The following C16orf46 variants were observed in gnomAD, a reference collection of about 807,000 sequenced individuals.
C16orf46 encodes chromosome 16 open reading frame 46, also known as uncharacterized protein C16orf46.
A neutral mutation model predicts 5.5 loss-of-function variants in C16orf46; 7 were observed. The ratio of observed to expected loss-of-function variants is 1.28; its 90% confidence interval spans 0.73 to 2.40. The LOEUF (loss-of-function observed/expected upper bound fraction) is 2.40. Ranked by LOEUF, C16orf46 falls within the 30% of genes most tolerant of loss-of-function variation. C16orf46 has a pLI of 0.00. For synonymous variants in C16orf46, 200 were observed against 184.1 expected, an observed-to-expected ratio of 1.09 and a Z score of -0.70; for missense variants, 614 against 476.0, an observed-to-expected ratio of 1.29 and a Z score of -2.70.
intron 1 of C16orf46, chr16:81,069,871 T>G (rs1971784840): frequency 6.6e-6 from 1 of 152,290 alleles, no homozygotes; most frequent in African/African-American, 2.4e-5. Context: ...ACGCCTGTAA[T>G]CCCAGCACTT....
intron 1 of C16orf46, among the ~76,000 whole-genome samples, chr16:81,069,211 T>C (rs537351081): frequency 6.6e-6 from 1 of 152,292 alleles, no homozygotes; most frequent in Non-Finnish European, 1.5e-5. Flanking sequence ...GGAGGAGTAC[T>C]GTCCGTCAGT....
At chr16:81,066,738 C>T (rs1971666706) in intron 1 of C16orf46, among the ~76,000 whole-genome samples, 2 of 152,204 alleles carry the variant, frequency 1.3e-5, no homozygotes, top group Non-Finnish European at 2.9e-5. Context: ...AAACCAAGAG[C>T]TCATGCCATC....
intron 1 of C16orf46, among the ~76,000 whole-genome samples, chr16:81,073,327 A>C (rs1202375054): frequency 2.0e-5 from 3 of 152,204 alleles, no homozygotes; most frequent in Non-Finnish European, 4.4e-5. Flanking sequence ...TAATTCTAAG[A>C]TACAACTCTG....
At position 81,062,094 on chromosome 16, in the gene C16orf46, C is replaced by A. The variant is rs149945062; in HGVS notation, c.255G>T (p.Pro85=). 6.2e-7 allele frequency: 1 copy of A among 1,605,636 alleles called. No individual in the cohort carries two copies. Among genetic ancestry groups the A allele is most frequent in the Admixed American group, 1.7e-5 (1 of 59,764 alleles). Residue 85 remains proline, a synonymous_variant, in exon 4 of 4, where the codon CCG becomes CCT. Coordinates refer to ENST00000299578, the MANE Select transcript of C16orf46 (RefSeq NM_152337.3). ...CCCTCGCCTTTTTTGGTATCTTCCT[C>A]GGCCAGATGCAGGCAGCTGGAGAAG... is the stretch of plus-strand genomic sequence containing the variant. ...GRTSPAACIW[P]RKIPKKARVG... is the part of the protein sequence containing the mutation.
intron 1 of C16orf46, among the ~76,000 whole-genome samples, chr16:81,075,543 T>A (rs547459101): frequency 6.6e-6 from 1 of 152,078 alleles, no homozygotes; most frequent in Non-Finnish European, 1.5e-5. Flanking sequence ...TAAGCCGAGA[T>A]TGCACCACTA....
chr16:81,068,830 T>C (rs973610494), intron 1 of C16orf46, among the ~76,000 whole-genome samples: 1 of 152,108 alleles, frequency 6.6e-6, no homozygotes, highest in African/African-American at 2.4e-5. Context: ...GCCTCCCAAG[T>C]AGCTGGGATT....
At position 81,062,037 on chromosome 16, in the gene C16orf46, C is replaced by T; in HGVS notation, c.312G>A (p.Val104=). The change falls in exon 4 of 4, where the codon GTG becomes GTA. Residue 104 remains valine (V), a synonymous_variant. Coordinates refer to ENST00000299578, the MANE Select transcript of C16orf46 (RefSeq NM_152337.3). ...GGCTCCAGTGGGAGAGGTTAACACA[C>T]ACCAAGCAGTCGCTGCAGGCACCTT... The part of the protein sequence containing the change: ...VGEGACSDCL[V]CVNLSHWSLQ... 1.9e-6 allele frequency: 3 copies of T among 1,613,716 alleles called. No individual in the cohort carries two copies. The highest frequency in any genetic ancestry group is 2.2e-5 in the East Asian group (1 of 44,880).
intron 1 of C16orf46, chr16:81,076,844 C>G (rs7185983): frequency 1.3e-5 from 2 of 152,508 alleles, no homozygotes; most frequent in Admixed American, 6.6e-5. Context: ...GCCACAAAGA[C>G]GCCTGCCCTT....
Position 81,061,553 on chromosome 16 carries a change from CTCT to C in C16orf46, c.793_795del (p.Arg265del). ...ATAGGGTGTTTGGCCAGCTCACTGG[CTCT>C]TTTTTCACCTTTCCCATCTGCTGTT... On this transcript the variant is annotated inframe_deletion, in exon 4 of 4. Coordinates refer to ENST00000299578, the MANE Select transcript of C16orf46 (RefSeq NM_152337.3). 6.2e-7 allele frequency: 1 copy of C among 1,614,204 alleles called. No homozygotes were observed. The highest frequency in any genetic ancestry group is 8.5e-7 in the Non-Finnish European group (1 of 1,180,038).
At position 81,061,307 on chromosome 16, in the gene C16orf46, CAGG is replaced by C; in HGVS notation, c.1039_1041del (p.Pro347del). ...GGGAGAACATGCTTTCGGGTGATCA[CAGG>C]AGATCTTGGCTCCTTGGCTTTGAAT... On this transcript the variant is annotated inframe_deletion, in exon 4 of 4. Coordinates refer to ENST00000299578, the MANE Select transcript of C16orf46 (RefSeq NM_152337.3). 1 of 1,614,124 alleles carries C rather than the reference CAGG, an allele frequency of 6.2e-7. No homozygotes were observed. The highest frequency in any genetic ancestry group is 8.5e-7 in the Non-Finnish European group (1 of 1,180,028).
At chr16:81,069,467 G>A (rs376872045) in intron 1 of C16orf46, among the ~76,000 whole-genome samples, 185 of 152,330 alleles carry the variant, frequency 1.2e-3, no homozygotes, top group African/African-American at 4.2e-3. Flanking sequence ...ATGGCTCTTA[G>A]ATGGTTCTTT....
chr16:81,058,863 C>T (rs763351491), downstream of C16orf46, among the ~76,000 whole-genome samples: 1 of 152,184 alleles, frequency 6.6e-6, no homozygotes, highest in Non-Finnish European at 1.5e-5. Flanking sequence ...CCTAGTACTT[C>T]AAACGTCCCC....
chr16:81,067,432 T>C (rs555413942), intron 1 of C16orf46, among the ~76,000 whole-genome samples: 1 of 152,334 alleles, frequency 6.6e-6, no homozygotes, highest in South Asian at 2.1e-4. Flanking sequence ...AATAAAACTT[T>C]TAAAGCCATG....
At chr16:81,064,451 T>C (rs936658591) in intron 2 of C16orf46, among the ~76,000 whole-genome samples, 3 of 151,888 alleles carry the variant, frequency 2.0e-5, no homozygotes, top group Non-Finnish European at 4.4e-5. Flanking sequence ...CCACTGGCAC[T>C]ATGAAAGATA....
At chr16:81,056,698 A>AAAG (rs1971306905), downstream of C16orf46, among the ~76,000 whole-genome samples, 1 of 9,658 alleles carries the variant, frequency 1.0e-4, no homozygotes, top group African/African-American at 1.1e-4. Context: ...TCCGTCTCAA[A>AAAG]AAAAAAAAAA....
Position 81,063,867 on chromosome 16 carries a change from G to A in C16orf46, c.89C>T (p.Thr30Ile). The A allele has an allele frequency of 6.2e-7, 1 of 1,613,440 alleles. No individual in the cohort carries two copies. Among genetic ancestry groups the A allele is most frequent in the Non-Finnish European group, 8.5e-7 (1 of 1,179,578 alleles). Residue 30 changes from threonine (T) to isoleucine (I), a missense_variant, in exon 3 of 4, where the codon ACT becomes ATT. Coordinates refer to ENST00000299578, the MANE Select transcript of C16orf46 (RefSeq NM_152337.3). ...TTTTTCACTTTTTCCATCTGGACAA[G>A]TATAGGTTGGTTCTGTTTCTTCTGT... The part of the protein sequence containing the change: ...QFTEETEPTY[T>I]CPDGKSEKNH...
At chr16:81,071,278 C>G (rs924068523) in intron 1 of C16orf46, among the ~76,000 whole-genome samples, 15 of 152,218 alleles carry the variant, frequency 9.9e-5, no homozygotes, top group African/African-American at 3.6e-4. Context: ...GTGGCCCAGT[C>G]AAACGTGGCA....
At position 81,063,998 on chromosome 16, in the gene C16orf46, T is replaced by A. The variant is rs765989930; in HGVS notation, c.-38-5A>T. 1.0e-5 allele frequency: 15 copies of A among 1,433,172 alleles called. No individual in the cohort carries two copies. The highest frequency in any genetic ancestry group is 1.4e-5 in the Non-Finnish European group (15 of 1,044,494). 88.8% of individuals were successfully genotyped at this position (1,433,172 alleles called of 1,614,324 possible). On this transcript the variant is annotated splice_polypyrimidine_tract_variant and splice_region_variant and intron_variant, in intron 2 of 3. Coordinates refer to ENST00000299578, the MANE Select transcript of C16orf46 (RefSeq NM_152337.3). ...AAAGTTTTTAACATCTTCTTGCTGTTTAAAAACATGAATGGAACTTCGTTT... is the reference window on the plus strand; with the variant it reads ...AAAGTTTTTAACATCTTCTTGCTGTATAAAAACATGAATGGAACTTCGTTT...
At chr16:81,053,503 T>C (rs982393371) in exon 4 of C16orf46, 6 of 152,226 alleles carry the variant, frequency 3.9e-5, no homozygotes, top group African/African-American at 1.2e-4. Context: ...TAAATATTAG[T>C]AAGACAATTT....
Sources: gnomAD v4.1 joint callset for allele counts (sites outside exome capture counted in the v4.1 genomes callset) on GRCh38, gnomAD v4.1.1 for gene constraint, MANE v1.5 for transcripts, NCBI Gene and HGNC (gene_info 2026-07-23, HGNC 2026-07-21) for gene names.